The following UBTD2 variants were observed in gnomAD, a reference collection of about 807,000 sequenced individuals.
The protein encoded by UBTD2 is ubiquitin domain-containing protein 2.
UBTD2 carries 9 observed loss-of-function variants against 19.8 expected under a neutral mutation model. The observed-to-expected ratio is 0.46, with a 90% CI of 0.27 to 0.79. The LOEUF (loss-of-function observed/expected upper bound fraction) is 0.79, where lower values mean the gene tolerates loss of function less well. UBTD2 is among the 30% of genes least tolerant of loss of function. UBTD2 has a pLI of 0.14. For missense variants in UBTD2, 250 were observed against 300.4 expected (o/e 0.83, Z 1.24); for synonymous variants, 98 against 103.9 (o/e 0.94, Z 0.35).
At chr5:172,246,442 T>C (rs1754884231) in intron 1 of UBTD2, among the ~76,000 whole-genome samples, 1 of 9,106 alleles carries the variant, frequency 1.1e-4, no homozygotes, top group Non-Finnish European at 1.7e-4. Flanking sequence ...TTGAGATTGC[T>C]TTTTTTTTTT....
intron 2 of UBTD2, among the ~76,000 whole-genome samples, chr5:172,218,161 AAATG>A (rs2113875079): frequency 6.6e-6 from 1 of 152,344 alleles, no homozygotes; most frequent in East Asian, 1.9e-4. Context: ...AATAAACTGG[AAATG>A]AATATCAGAC....
intron 1 of UBTD2, among the ~76,000 whole-genome samples, chr5:172,246,017 A>G (rs1320692231): frequency 6.6e-6 from 1 of 152,244 alleles, no homozygotes; most frequent in Non-Finnish European, 1.5e-5. Flanking sequence ...GAAATATGTG[A>G]CCAATTTTCA....
chr5:172,246,744 G>A (rs1243723819), intron 1 of UBTD2, among the ~76,000 whole-genome samples: 5 of 129,806 alleles, frequency 3.9e-5, no homozygotes, highest in African/African-American at 8.7e-5. Flanking sequence ...ACGCCCAGCC[G>A]AGATTGCTTT....
chr5:172,211,836 C>T lies in UBTD2; in HGVS notation c.699G>A (p.Glu233=). 1.2e-6 allele frequency: 2 copies of T among 1,607,114 alleles called. No homozygotes were observed. Among genetic ancestry groups the T allele is most frequent in the Non-Finnish European group, 1.7e-6 (2 of 1,175,228 alleles). ...SQPVQNPTPV[E]N ...CTGGCCAACAGGGCTCAGTTCAGTT[C>T]TCCACTGGTGTTGGGTTCTGCACAG... Residue 233 remains glutamate (E), a synonymous_variant, in exon 3 of 3, where the codon GAG becomes GAA. Transcript: ENST00000393792.
At chr5:172,241,371 T>G (rs1490238784) in intron 1 of UBTD2, among the ~76,000 whole-genome samples, 1 of 149,768 alleles carries the variant, frequency 6.7e-6, no homozygotes, top group Non-Finnish European at 1.5e-5. Flanking sequence ...ATCATGCCAT[T>G]GCACTCCAGC....
At chr5:172,280,838 A>G (rs543256182) in intron 1 of UBTD2, among the ~76,000 whole-genome samples, 53 of 152,150 alleles carry the variant, frequency 3.5e-4, no homozygotes, top group Non-Finnish European at 6.9e-4. Flanking sequence ...TCTTATAAAA[A>G]TCTCCCAAAT....
At chr5:172,243,951 G>A (rs1772185059) in intron 1 of UBTD2, among the ~76,000 whole-genome samples, 1 of 152,036 alleles carries the variant, frequency 6.6e-6, no homozygotes, top group South Asian at 2.1e-4. Flanking sequence ...AATGACTCCG[G>A]AGGCAAATCA....
intron 1 of UBTD2, among the ~76,000 whole-genome samples, chr5:172,270,976 A>G (rs984148068): frequency 6.6e-6 from 1 of 152,136 alleles, no homozygotes; most frequent in Non-Finnish European, 1.5e-5. Context: ...TCCCAAATCT[A>G]ATAACATATC....
At chr5:172,238,353 A>T (rs1772053244) in intron 1 of UBTD2, among the ~76,000 whole-genome samples, 1 of 152,196 alleles carries the variant, frequency 6.6e-6, no homozygotes, top group South Asian at 2.1e-4. Flanking sequence ...AACTGCAGGT[A>T]ACCAACCATC....
intron 1 of UBTD2, among the ~76,000 whole-genome samples, chr5:172,275,712 A>G (rs572923121): frequency 6.6e-6 from 1 of 152,296 alleles, no homozygotes; most frequent in Admixed American, 6.5e-5. Context: ...CATAGCCCTA[A>G]GCATCTAGGA....
At chr5:172,213,148 G>A (rs1457797203) in intron 2 of UBTD2, among the ~76,000 whole-genome samples, 1 of 150,250 alleles carries the variant, frequency 6.7e-6, no homozygotes, top group Admixed American at 6.6e-5. Flanking sequence ...ACACCACCAC[G>A]CCTGGGTGAT....
intron 1 of UBTD2, among the ~76,000 whole-genome samples, chr5:172,257,094 C>G (rs1356555178): frequency 6.6e-6 from 1 of 152,114 alleles, no homozygotes; most frequent in Non-Finnish European, 1.5e-5. Flanking sequence ...ACCCAGGTAG[C>G]AAGCACAGTA....
At position 172,269,451 on chromosome 5, in the gene UBTD2, A is replaced by G. The variant is rs546247490; in HGVS notation, c.70+14145T>C. Among the ~76,000 whole-genome samples, 5 of 151,034 alleles carry G rather than the reference A, an allele frequency of 3.3e-5. No homozygotes were observed. The East Asian group carries it at 9.8e-4, about 30-fold the overall frequency. ...GGTTGCAGTGAGCCGAGACTGCACC[A>G]CTGCACTCCGGTCTGGGCAACAGAG... is the stretch of plus-strand genomic sequence containing the variant. On this transcript the variant is annotated intron_variant, in intron 1 of 2. Coordinates refer to ENST00000393792, the MANE Select transcript of UBTD2 (RefSeq NM_152277.3).
intron 1 of UBTD2, among the ~76,000 whole-genome samples, chr5:172,281,127 T>C (rs1000500488): frequency 6.6e-6 from 1 of 152,144 alleles, no homozygotes; most frequent in Non-Finnish European, 1.5e-5. Context: ...CTCCAACTCC[T>C]GGGGCTCAAG....
chr5:172,230,672 C>T (rs1232292280), intron 2 of UBTD2, among the ~76,000 whole-genome samples: 1 of 151,880 alleles, frequency 6.6e-6, no homozygotes, highest in Non-Finnish European at 1.5e-5. Flanking sequence ...GAAGGCTGAA[C>T]TAAATAATAG....
chr5:172,232,672 C>T (rs1182523586), intron 2 of UBTD2, among the ~76,000 whole-genome samples: 2 of 151,756 alleles, frequency 1.3e-5, no homozygotes, highest in Non-Finnish European at 2.9e-5. Context: ...ATCATCTGGG[C>T]AACATAGTGA....
chr5:172,231,005 G>A (rs1019281757), intron 2 of UBTD2, among the ~76,000 whole-genome samples: 1 of 152,014 alleles, frequency 6.6e-6, no homozygotes, highest in Admixed American at 6.6e-5. Context: ...GGATGGTCTC[G>A]ATCTCCTGAC....
At chr5:172,220,112 T>A (rs1472968743) in intron 2 of UBTD2, among the ~76,000 whole-genome samples, 1 of 152,236 alleles carries the variant, frequency 6.6e-6, no homozygotes, top group African/African-American at 2.4e-5. Flanking sequence ...AATTCAACAC[T>A]GTATAAATAA....
At chr5:172,232,469 T>C (rs1771921852) in intron 2 of UBTD2, among the ~76,000 whole-genome samples, 1 of 152,006 alleles carries the variant, frequency 6.6e-6, no homozygotes, top group Non-Finnish European at 1.5e-5. Context: ...ACTTTCATAA[T>C]AAAGAACAGG....
Sources: gnomAD v4.1 joint callset for allele counts (sites outside exome capture counted in the v4.1 genomes callset) on GRCh38, gnomAD v4.1.1 for gene constraint, MANE v1.5 for transcripts, NCBI Gene and HGNC (gene_info 2026-07-23, HGNC 2026-07-21) for gene names.